The following ASPH variants were observed in gnomAD, a reference collection of about 807,000 sequenced individuals.
ASPH encodes aspartate beta-hydroxylase.
In ASPH, 100 loss-of-function variants were observed where a neutral mutation model predicts 118.4. The ratio of observed to expected loss-of-function variants is 0.84; its 90% CI spans 0.72 to 1.00. The LOEUF is 1.00. ASPH is among the 50% of genes least tolerant of loss of function. ASPH has a pLI of 0.00. For missense variants in ASPH, 920 were observed against 919.5 expected, an observed-to-expected ratio of 1.00 and a Z score of -0.01; for synonymous variants, 315 against 325.6, an observed-to-expected ratio of 0.97 and a Z score of 0.35.
At chr8:61,692,332 T>C (rs914984844) in intron 1 of ASPH, among the ~76,000 whole-genome samples, 7 of 152,234 alleles carry the variant, frequency 4.6e-5, no homozygotes, top group Admixed American at 2.0e-4. Flanking sequence ...TGATGGAGAA[T>C]GTTTATGAAA....
At chr8:61,653,210 C>A (rs374419423) in intron 4 of ASPH, among the ~76,000 whole-genome samples, 24 of 152,242 alleles carry the variant, frequency 1.6e-4, no homozygotes, top group African/African-American at 4.8e-4. Flanking sequence ...TCTATTAAAT[C>A]ACGTGACAAA....
Position 61,576,769 on chromosome 8 carries a change from T to A in ASPH, c.1149+3A>T. 6.2e-7 allele frequency: 1 copy of A among 1,606,408 alleles called. No homozygotes were observed. Among genetic ancestry groups the A allele is most frequent in the Non-Finnish European group, 8.5e-7 (1 of 1,175,648 alleles). On this transcript the variant is annotated splice_donor_region_variant and intron_variant, in intron 16 of 24. Transcript: ENST00000379454. ...TGTCCTAAGGAGAAGGGTCTCAGAA[T>A]ACCTGCGCCTTCCCATATCTTGCTC...
chr8:61,693,306 A>T (rs951336709), intron 1 of ASPH, among the ~76,000 whole-genome samples: 1 of 152,114 alleles, frequency 6.6e-6, no homozygotes, highest in Non-Finnish European at 1.5e-5. Context: ...TCCTCTTCAC[A>T]CCTTGTTTCT....
At chr8:61,592,905 A>G (rs73265172) in intron 14 of ASPH, among the ~76,000 whole-genome samples, 1 of 152,208 alleles carries the variant, frequency 6.6e-6, no homozygotes, top group African/African-American at 2.4e-5. Context: ...GGCAAAGGGT[A>G]AAAAAGAAGA....
intron 24 of ASPH, among the ~76,000 whole-genome samples, chr8:61,508,217 T>C (rs1361155728): frequency 6.6e-6 from 1 of 152,168 alleles, no homozygotes; most frequent in Non-Finnish European, 1.5e-5. Flanking sequence ...GGTTTCCCCA[T>C]GTTGCCCAGG....
rs541719507 is a variant in ASPH at position 61,572,547 on chromosome 8, C to T, written c.1149+4225G>A. On this transcript the variant is annotated intron_variant, in intron 16 of 24. Transcript: ENST00000379454. ...TGGCATTATCCTCCACTCAGCTGGC[C>T]GAACCAAAAACTCAGGGGTCAGCCT... Among the ~76,000 whole-genome samples the T allele has an allele frequency of 2.6e-5, 4 of 152,236 alleles. No individual in the cohort carries two copies. In the South Asian group the frequency reaches 6.2e-4, roughly 24 times the overall value.
intron 18 of ASPH, among the ~76,000 whole-genome samples, 199 bp from the exon 19 acceptor site, chr8:61,556,221 C>T (rs1011835051): frequency 1.3e-5 from 2 of 152,184 alleles, no homozygotes; most frequent in African/African-American, 4.8e-5. Context: ...TTCCTCTCAA[C>T]TCAATATGCT....
At chr8:61,678,775 G>A (rs1480306685) in intron 3 of ASPH, among the ~76,000 whole-genome samples, 1 of 151,908 alleles carries the variant, frequency 6.6e-6, no homozygotes, top group African/African-American at 2.4e-5. Context: ...TGGATCTCCT[G>A]GGCCTTAATC....
intron 6 of ASPH, among the ~76,000 whole-genome samples, chr8:61,645,851 C>A (rs1807662663): frequency 6.6e-6 from 1 of 152,144 alleles, no homozygotes; most frequent in Non-Finnish European, 1.5e-5. Context: ...TAGTATTGTG[C>A]AAAGTAGATA....
chr8:61,617,003 G>A (rs150818515), intron 14 of ASPH, among the ~76,000 whole-genome samples: 1 of 152,154 alleles, frequency 6.6e-6, no homozygotes, highest in African/African-American at 2.4e-5. Context: ...ATCAGGAGTC[G>A]GTTTTAGACT....
chr8:61,615,593 C>T (rs561446459), intron 14 of ASPH, among the ~76,000 whole-genome samples: 1 of 152,148 alleles, frequency 6.6e-6, no homozygotes, highest in Non-Finnish European at 1.5e-5. Context: ...ACACGAATGA[C>T]TGTTTGAATT....
At chr8:61,559,736 T>C (rs1829115198) in intron 18 of ASPH, among the ~76,000 whole-genome samples, 1 of 152,244 alleles carries the variant, frequency 6.6e-6, no homozygotes, top group Admixed American at 6.5e-5. Flanking sequence ...TTAGTGCATA[T>C]ATATATACAT....
chr8:61,605,210 T>G (rs1247395961), intron 14 of ASPH, among the ~76,000 whole-genome samples: 1 of 152,230 alleles, frequency 6.6e-6, no homozygotes, highest in African/African-American at 2.4e-5. Flanking sequence ...GGATAAAGTT[T>G]ATCACAGTCA....
At chr8:61,698,901 C>T (rs1834579894) in intron 1 of ASPH, among the ~76,000 whole-genome samples, 1 of 152,194 alleles carries the variant, frequency 6.6e-6, no homozygotes, top group Admixed American at 6.5e-5. Context: ...ACAATGGCTG[C>T]AACTAAAAAT....
In ASPH at chr8:61,652,082, A is replaced by C. The variant is rs10099587; in HGVS notation, c.416-958T>G. Reference sequence around the variant, plus strand: ...CTAATCACACTACAAAATCATTTCCAAAGCATAAAAATGCCTATTTTTAAT... The same window carrying C: ...CTAATCACACTACAAAATCATTTCCCAAGCATAAAAATGCCTATTTTTAAT... On this transcript the variant is annotated intron_variant, in intron 4 of 24. Coordinates refer to ENST00000379454, the MANE Select transcript of ASPH (RefSeq NM_004318.4). Among the ~76,000 whole-genome samples the C allele has an allele frequency of 5.5e-3, 839 of 152,342 alleles. 9 individuals carry two copies. The highest frequency in any genetic ancestry group is 0.019 in the African/African-American group (788 of 41,588).
At chr8:61,513,729 T>C (rs1240870450) in intron 24 of ASPH, among the ~76,000 whole-genome samples, 1 of 152,206 alleles carries the variant, frequency 6.6e-6, no homozygotes, top group Non-Finnish European at 1.5e-5. Flanking sequence ...GGTTGTGTTT[T>C]ACCTCAGCAG....
At chr8:61,503,672 GGA>G (rs1805375662) in intron 24 of ASPH, among the ~76,000 whole-genome samples, 163 bp from the exon 25 acceptor site, 1 of 152,200 alleles carries the variant, frequency 6.6e-6, no homozygotes, top group African/African-American at 2.4e-5. Context: ...TTGATGATTA[GGA>G]AAGAATTTCA....
At chr8:61,697,882 A>G (rs1463873442) in intron 1 of ASPH, among the ~76,000 whole-genome samples, 1 of 152,114 alleles carries the variant, frequency 6.6e-6, no homozygotes, top group East Asian at 1.9e-4. Flanking sequence ...TTGAACTCCT[A>G]GCCTTGAATG....
At position 61,668,558 on chromosome 8, in the gene ASPH, C is replaced by A. The variant is rs577328778; in HGVS notation, c.322+12410G>T. On this transcript the variant is annotated intron_variant, in intron 3 of 24. Coordinates refer to ENST00000379454, the MANE Select transcript of ASPH (RefSeq NM_004318.4). ...TGTTGGCATTAGAAATACTTAATTG[C>A]CACTGGAAATTGCATTTTCTACTCA... is the stretch of plus-strand genomic sequence containing the variant. 6.6e-5 allele frequency among the ~76,000 whole-genome samples: 10 copies of A among 152,232 alleles called. 1 individual carries two copies. In the South Asian group the frequency reaches 8.3e-4, roughly 13 times the overall value.
Sources: allele counts gnomAD v4.1 joint callset (sites outside exome capture counted in the v4.1 genomes callset), GRCh38; gene constraint gnomAD v4.1.1; transcripts MANE v1.5; gene names NCBI Gene and HGNC (gene_info 2026-07-23, HGNC 2026-07-21).